The following PARD3B variants were observed in gnomAD, a reference collection of about 807,000 sequenced individuals.
PARD3B encodes partitioning defective 3 homolog B.
PARD3B carries 103 observed loss-of-function variants against 130.2 expected under a neutral mutation model. The ratio of observed to expected loss-of-function variants is 0.79; its 90% CI spans 0.67 to 0.93. The LOEUF (loss-of-function observed/expected upper bound fraction) is 0.93. PARD3B is among the 40% of genes least tolerant of loss of function. The pLI, the probability that PARD3B is intolerant of heterozygous loss-of-function variation, is 0.00. For missense variants in PARD3B, 1,609 were observed against 1,499.2 expected (o/e 1.07, Z -1.21); for synonymous variants, 583 against 553.2 (o/e 1.05, Z -0.76).
At chr2:204,868,807 A>G (rs904297530) in intron 2 of PARD3B, among the ~76,000 whole-genome samples, 6 of 152,172 alleles carry the variant, frequency 3.9e-5, no homozygotes, top group Non-Finnish European at 8.8e-5. Flanking sequence ...ATTGAGTGGG[A>G]CTAGTTAAGT....
At chr2:205,605,044 T>C (rs1210536939) in intron 22 of PARD3B, among the ~76,000 whole-genome samples, 1 of 152,226 alleles carries the variant, frequency 6.6e-6, no homozygotes, top group African/African-American at 2.4e-5. Context: ...TGTGATGTGT[T>C]TTTCAGCTCC....
intron 1 of PARD3B, among the ~76,000 whole-genome samples, chr2:204,572,110 A>G (rs2032037826): frequency 6.6e-6 from 1 of 152,220 alleles, no homozygotes; most frequent in African/African-American, 2.4e-5. Context: ...AGTAAACTGA[A>G]GAGTTCAGAA....
At chr2:205,048,720 G>T (rs1011906805) in intron 4 of PARD3B, 2 of 152,162 alleles carry the variant, frequency 1.3e-5, no homozygotes, top group African/African-American at 4.8e-5. Flanking sequence ...TGAGATAGGA[G>T]TCACTATTTG....
Position 204,906,282 on chromosome 2 carries a change from A to C in PARD3B, c.223-58870A>C, listed in dbSNP as rs1295704787. Among the ~76,000 whole-genome samples the C allele has an allele frequency of 1.3e-5, 2 of 152,296 alleles. No individual in the cohort carries two copies. The highest frequency in any genetic ancestry group is 3.9e-4 in the East Asian group (2 of 5,188). On this transcript the variant is annotated intron_variant, in intron 2 of 22. Transcript: ENST00000406610. This position sits in a 1 kb window ranked among gnomAD's most constrained non-coding sequence, Gnocchi z 4.3. ...GGAGTAGGTGTCTCCTTCAGAATGC[A>C]ACCCATTTAGACTCAGACTTTTCTT... is the stretch of plus-strand genomic sequence containing the variant.
chr2:205,432,760 C>A (rs1379028676), intron 19 of PARD3B, among the ~76,000 whole-genome samples: 6 of 151,948 alleles, frequency 3.9e-5, no homozygotes, highest in African/African-American at 1.5e-4. Context: ...TAGCTAGTAG[C>A]TGCTGTATTT....
At chr2:205,266,512 A>G (rs1000553434) in intron 16 of PARD3B, among the ~76,000 whole-genome samples, 6 of 152,134 alleles carry the variant, frequency 3.9e-5, no homozygotes, top group African/African-American at 1.4e-4. Flanking sequence ...ATATACAGAT[A>G]TATAGTTTTG....
At position 205,158,911 on chromosome 2, in the gene PARD3B, G is replaced by A; in HGVS notation, c.1620+4G>A. 3.7e-6 allele frequency: 6 copies of A among 1,613,270 alleles called. No individual in the cohort carries two copies. The South Asian group carries it at 5.5e-5, about 15-fold the overall frequency. On this transcript the variant is annotated splice_donor_region_variant and intron_variant, in intron 11 of 22. Coordinates refer to ENST00000406610, the MANE Select transcript of PARD3B (RefSeq NM_001302769.2). The surrounding 1 kb of genome is among the most constrained non-coding windows in gnomAD (Gnocchi z 5.4). ...TCATGGAGGCGCTGCTTTTAAGGTG[G>A]GTAGGAATGACATTTGTACATCCTT... is the stretch of plus-strand genomic sequence containing the variant.
intron 1 of PARD3B, among the ~76,000 whole-genome samples, chr2:204,629,780 T>C (rs2034616260): frequency 6.6e-6 from 1 of 152,224 alleles, no homozygotes; most frequent in Admixed American, 6.5e-5. Context: ...GCAGTGATTC[T>C]GAATTATATT....
intron 2 of PARD3B, among the ~76,000 whole-genome samples, chr2:204,803,453 C>G (rs2042649136): frequency 6.6e-6 from 1 of 151,786 alleles, no homozygotes; most frequent in Admixed American, 6.6e-5. Flanking sequence ...AAAGATGAAC[C>G]TATTAAAATA....
intron 18 of PARD3B, among the ~76,000 whole-genome samples, chr2:205,377,763 ATTTTTTTTTT>A (rs3048124): frequency 8.5e-6 from 1 of 117,498 alleles, no homozygotes. Context: ...GTGTAATCCA[ATTTTTTTTTT>A]TTTTTTTTTT....
At chr2:204,651,032 C>T (rs1308273490) in intron 1 of PARD3B, among the ~76,000 whole-genome samples, 1 of 152,160 alleles carries the variant, frequency 6.6e-6, no homozygotes, top group Non-Finnish European at 1.5e-5. Flanking sequence ...TCTCCCCTGA[C>T]ATGGGATTAC....
chr2:205,443,553 G>C (rs980645472), intron 20 of PARD3B, among the ~76,000 whole-genome samples: 15 of 152,190 alleles, frequency 9.9e-5, no homozygotes, highest in African/African-American at 3.6e-4. Flanking sequence ...AGCTAGTCAG[G>C]AAAGTCCTCC....
chr2:204,892,415 T>C (rs1306315197), intron 2 of PARD3B, among the ~76,000 whole-genome samples: 1 of 152,184 alleles, frequency 6.6e-6, no homozygotes. Context: ...TTGAATAATA[T>C]GAAACAGTCT....
intron 2 of PARD3B, among the ~76,000 whole-genome samples, chr2:204,765,054 C>T (rs1287475184): frequency 6.6e-6 from 1 of 151,902 alleles, no homozygotes; most frequent in African/African-American, 2.4e-5. Flanking sequence ...GGAGATTTAC[C>T]AGTGTATTTT....
rs1353975067 is a variant in PARD3B at position 205,281,959 on chromosome 2, C to G, written c.2186-18571C>G. 6.6e-6 allele frequency among the ~76,000 whole-genome samples: 1 copy of G among 152,124 alleles called. No individual in the cohort carries two copies. Among genetic ancestry groups the G allele is most frequent in the Non-Finnish European group, 1.5e-5 (1 of 68,010 alleles). ...TACACACATCAGTAGCTTTTGTTCACTTTGTTGAAAATTTCCCATTCGTTT... is the reference window on the plus strand; with the variant it reads ...TACACACATCAGTAGCTTTTGTTCAGTTTGTTGAAAATTTCCCATTCGTTT... On this transcript the variant is annotated intron_variant, in intron 16 of 22. Transcript: ENST00000406610. The surrounding 1 kb of genome is among the most constrained non-coding windows in gnomAD (Gnocchi z 4.2).
chr2:205,355,215 C>T (rs150250054), intron 18 of PARD3B, among the ~76,000 whole-genome samples: 6 of 152,270 alleles, frequency 3.9e-5, no homozygotes, highest in South Asian at 4.1e-4. Flanking sequence ...CATTTTTCAC[C>T]GGACCTCATG....
At chr2:204,554,312 G>C (rs1347569644) in intron 1 of PARD3B, among the ~76,000 whole-genome samples, 1 of 151,890 alleles carries the variant, frequency 6.6e-6, no homozygotes, top group Non-Finnish European at 1.5e-5. Context: ...CGGCTTTCTT[G>C]ACCCTTTGCC....
At chr2:204,903,070 A>G (rs956979367) in intron 2 of PARD3B, among the ~76,000 whole-genome samples, 2 of 152,198 alleles carry the variant, frequency 1.3e-5, no homozygotes, top group African/African-American at 4.8e-5. Flanking sequence ...AAAGATTTAC[A>G]TTTCTATCAT....
chr2:204,833,826 C>G (rs2043924497), intron 2 of PARD3B, among the ~76,000 whole-genome samples: 1 of 152,068 alleles, frequency 6.6e-6, no homozygotes, highest in Non-Finnish European at 1.5e-5. Flanking sequence ...ACTAGTATAC[C>G]TTTTCAGTGT....
Sources: gnomAD v4.1 joint callset for allele counts (sites outside exome capture counted in the v4.1 genomes callset) on GRCh38, gnomAD v4.1.1 for gene constraint, Gnocchi (gnomAD v3.1) non-coding constraint, MANE v1.5 for transcripts, NCBI Gene and HGNC (gene_info 2026-07-23, HGNC 2026-07-21) for gene names.